The following TNS1 variants were observed in gnomAD, a reference collection of about 807,000 sequenced individuals.
TNS1 encodes the protein tensin 1, also known as tensin-1.
In TNS1, 62 loss-of-function variants were observed where a neutral mutation model predicts 168.6. The ratio of observed to expected loss-of-function variants is 0.37; its 90% CI spans 0.30 to 0.45. TNS1 has a LOEUF of 0.45. Ranked by LOEUF, TNS1 falls within the 20% of genes least tolerant of loss-of-function variation. The pLI is 1.00. For synonymous variants in TNS1, 934 were observed against 933.2 expected (o/e 1.00, Z -0.02); for missense variants, 2,240 against 2,339.4 (o/e 0.96, Z 0.88).
At chr2:217,909,924 G>A (rs1400616998) in intron 4 of TNS1, among the ~76,000 whole-genome samples, 2 of 152,202 alleles carry the variant, frequency 1.3e-5, no homozygotes, top group African/African-American at 4.8e-5. Context: ...GGGATCAAAT[G>A]CAATAAAGCA....
intron 16 of TNS1, among the ~76,000 whole-genome samples, chr2:217,883,627 G>A (rs1950890346): frequency 6.6e-6 from 1 of 152,206 alleles, no homozygotes; most frequent in East Asian, 1.9e-4. Flanking sequence ...TACGTAAGAG[G>A]AGGAAATCTG....
chr2:217,806,750 C>G (rs562334157), intron 32 of TNS1, among the ~76,000 whole-genome samples: 1 of 152,218 alleles, frequency 6.6e-6, no homozygotes, highest in African/African-American at 2.4e-5. Context: ...TCCATTCATT[C>G]GGACTGAGGC....
At chr2:217,925,831 C>T (rs2125882260) in intron 3 of TNS1, among the ~76,000 whole-genome samples, 1 of 152,280 alleles carries the variant, frequency 6.6e-6, no homozygotes, top group Middle Eastern at 3.4e-3. Context: ...CTCTAATCTA[C>T]TCTCTTTCTT....
At chr2:217,902,337 T>C (rs1171450876) in intron 6 of TNS1, among the ~76,000 whole-genome samples, 1 of 152,176 alleles carries the variant, frequency 6.6e-6, no homozygotes, top group Admixed American at 6.5e-5. Context: ...TAGCCACTTT[T>C]GGAGGAAGCC....
At chr2:217,891,187 C>T (rs1001484314) in intron 11 of TNS1, 142 bp from the exon 12 acceptor site, 2 of 728,724 alleles carry the variant, frequency 2.7e-6, no homozygotes, top group Non-Finnish European at 4.7e-6. Context: ...GCCTCTTCCC[C>T]CTGCCATCCT....
chr2:217,931,787 G>A (rs983097161), intron 3 of TNS1, among the ~76,000 whole-genome samples: 1 of 152,160 alleles, frequency 6.6e-6, no homozygotes, highest in Non-Finnish European at 1.5e-5. Flanking sequence ...ATCCTAAGGT[G>A]CATTCCATTT....
chr2:217,988,804 G>C (rs910937581), intron 2 of TNS1, among the ~76,000 whole-genome samples: 1 of 152,182 alleles, frequency 6.6e-6, no homozygotes, highest in Non-Finnish European at 1.5e-5. Context: ...CCACTCCTGG[G>C]TGCCTTGACA....
intron 22 of TNS1, among the ~76,000 whole-genome samples, chr2:217,828,388 G>A (rs1943916538): frequency 6.6e-6 from 1 of 152,202 alleles, no homozygotes; most frequent in East Asian, 1.9e-4. Flanking sequence ...GGAAAATCAA[G>A]GTGGTGTGGT....
In TNS1 at chr2:217,812,522, C is replaced by T; in HGVS notation, c.4955-77G>A. 6.8e-6 allele frequency: 8 copies of T among 1,183,814 alleles called. No individual in the cohort carries two copies. The South Asian group carries it at 9.5e-5, about 14-fold the overall frequency. 73.3% of individuals were successfully genotyped at this position (1,183,814 alleles called of 1,614,324 possible). A position where few individuals can be genotyped will look rare whatever the true frequency, so the allele number is the denominator to read the frequency against. On this transcript the variant is annotated intron_variant, in intron 27 of 32. Coordinates refer to ENST00000682258, the MANE Select transcript of TNS1 (RefSeq NM_001387777.1). Reference sequence around the variant, plus strand: ...GGAAACCTCCACCTCTACCCTTACACCGATACACACAATCTTCCACTTCTT... The same window carrying T: ...GGAAACCTCCACCTCTACCCTTACATCGATACACACAATCTTCCACTTCTT...
At chr2:218,003,772 C>A (rs1437399642), upstream of TNS1, among the ~76,000 whole-genome samples, 3 of 151,448 alleles carry the variant, frequency 2.0e-5, no homozygotes, top group Non-Finnish European at 4.4e-5. Flanking sequence ...TGCATTTCCC[C>A]ACTTCCTCCC....
At chr2:218,017,167 G>A (rs1178875517) in intron 1 of TNS1, among the ~76,000 whole-genome samples, 1 of 152,160 alleles carries the variant, frequency 6.6e-6, no homozygotes, top group Non-Finnish European at 1.5e-5. Flanking sequence ...CTGTGATCAG[G>A]AGCCACCCTG....
At chr2:217,892,274 G>A (rs1951819574) in intron 11 of TNS1, among the ~76,000 whole-genome samples, 1 of 152,078 alleles carries the variant, frequency 6.6e-6, no homozygotes, top group Non-Finnish European at 1.5e-5. Flanking sequence ...GCTAATTTTT[G>A]TATTTTTAGT....
Position 217,955,536 on chromosome 2 carries a change from C to T in TNS1, c.186+23229G>A, listed in dbSNP as rs1231595060. 5.3e-5 allele frequency among the ~76,000 whole-genome samples: 8 copies of T among 152,336 alleles called. No homozygotes were observed. In the South Asian group the frequency reaches 1.4e-3, roughly 28 times the overall value. On this transcript the variant is annotated intron_variant, in intron 3 of 32. Coordinates refer to ENST00000682258, the MANE Select transcript of TNS1 (RefSeq NM_001387777.1). ...CGCACAGTGCCCGTCCACCACCAGTCCCTCCAAGCTGGGCCAACACACACC... is the reference window on the plus strand; with the variant it reads ...CGCACAGTGCCCGTCCACCACCAGTTCCTCCAAGCTGGGCCAACACACACC...
intron 1 of TNS1, among the ~76,000 whole-genome samples, chr2:218,028,607 G>A (rs923279237): frequency 3.3e-5 from 5 of 152,176 alleles, no homozygotes; most frequent in Non-Finnish European, 5.9e-5. Context: ...ACAGACAGCA[G>A]CAGAAGCACC....
Position 217,900,569 on chromosome 2 carries a change from A to G in TNS1, c.322-57T>C, listed in dbSNP as rs369305895. 90 of 1,489,922 alleles carry G rather than the reference A, an allele frequency of 6.0e-5. No individual in the cohort carries two copies. The East Asian group carries it at 1.4e-3, about 22-fold the overall frequency. 92.3% of individuals were successfully genotyped at this position (1,489,922 alleles called of 1,614,324 possible). A position where few individuals can be genotyped will look rare whatever the true frequency, so the allele number is the denominator to read the frequency against. ...CAGGGGTGGGCAGGATGGCAGGAGGAGCACACCAGAGAGCTGTCCACGGGG... is the reference window on the plus strand; with the variant it reads ...CAGGGGTGGGCAGGATGGCAGGAGGGGCACACCAGAGAGCTGTCCACGGGG... On this transcript the variant is annotated intron_variant, in intron 6 of 32. Coordinates refer to ENST00000682258, the MANE Select transcript of TNS1 (RefSeq NM_001387777.1).
At chr2:218,022,338 A>G (rs79839319) in intron 1 of TNS1, among the ~76,000 whole-genome samples, 204 of 152,312 alleles carry the variant, frequency 1.3e-3, no homozygotes, top group African/African-American at 4.6e-3. Flanking sequence ...TCCTCTCAAA[A>G]GCCGCAGCCT....
chr2:217,842,130 G>C, intron 19 of TNS1: 2 of 702,912 alleles, frequency 2.8e-6, no homozygotes, highest in Non-Finnish European at 5.2e-6. Flanking sequence ...TGGAATGTGG[G>C]AGGTTCCAGG....
chr2:217,916,621 C>G (rs1955039404), intron 4 of TNS1, among the ~76,000 whole-genome samples: 1 of 152,198 alleles, frequency 6.6e-6, no homozygotes. Context: ...AGGGTGGTGA[C>G]CCTAGGTCCC....
At chr2:217,862,960 C>T (rs948784639) in intron 18 of TNS1, among the ~76,000 whole-genome samples, 12 of 152,284 alleles carry the variant, frequency 7.9e-5, no homozygotes, top group African/African-American at 2.4e-4. Flanking sequence ...AGCCAGCAGA[C>T]CTACAGCTGG....
Sources: allele counts gnomAD v4.1 joint callset (sites outside exome capture counted in the v4.1 genomes callset), GRCh38; gene constraint gnomAD v4.1.1; transcripts MANE v1.5; gene names NCBI Gene and HGNC (gene_info 2026-07-23, HGNC 2026-07-21).